TTC27: variants seen among roughly 807,000 people sequenced by gnomAD.
The protein encoded by TTC27 is tetratricopeptide repeat protein 27.
A neutral mutation model predicts 115.9 loss-of-function variants in TTC27; 79 were observed. That is an observed-to-expected ratio of 0.68 (90% CI 0.57 to 0.82). The LOEUF (loss-of-function observed/expected upper bound fraction) is 0.82, where lower values mean the gene tolerates loss of function less well. Ranked by LOEUF, TTC27 falls within the 40% of genes least tolerant of loss-of-function variation. TTC27 has a pLI of 0.00. For missense variants in TTC27, 1,054 were observed against 993.1 expected, an observed-to-expected ratio of 1.06 and a Z score of -0.82; for synonymous variants, 401 against 356.0, an observed-to-expected ratio of 1.13 and a Z score of -1.42.
chr2:32,682,022 G>GTGTA (rs1666448313), intron 9 of TTC27, among the ~76,000 whole-genome samples: 1 of 127,936 alleles, frequency 7.8e-6, no homozygotes, highest in African/African-American at 3.1e-5. Context: ...GTGTGTGTGT[G>GTGTA]TGTGTATGTC....
At chr2:32,724,028 G>T (rs965533576) in intron 10 of TTC27, among the ~76,000 whole-genome samples, 2 of 140,324 alleles carry the variant, frequency 1.4e-5, no homozygotes, top group Non-Finnish European at 3.0e-5. Context: ...CATTCACTCA[G>T]GTTTTAATAA....
intron 16 of TTC27, among the ~76,000 whole-genome samples, chr2:32,789,125 A>G (rs1464174402): frequency 6.6e-6 from 1 of 152,138 alleles, no homozygotes; most frequent in African/African-American, 2.4e-5. Context: ...TAACTATTCA[A>G]AGATTGTTTG....
At position 32,690,909 on chromosome 2, in the gene TTC27, C is replaced by G. The variant is rs536248889; in HGVS notation, c.1120-11898C>G. On this transcript the variant is annotated intron_variant, in intron 9 of 19. Transcript: ENST00000317907. ...TTCTTTGTTCCTTGCTTTGGAAGAT[C>G]AGTGTGACCTGGGTGGGCATCGTTC... Among the ~76,000 whole-genome samples the G allele has an allele frequency of 2.0e-5, 3 of 152,274 alleles. No individual in the cohort carries two copies. In the South Asian group the frequency reaches 6.2e-4, roughly 32 times the overall value.
intron 12 of TTC27, among the ~76,000 whole-genome samples, chr2:32,749,099 C>T (rs1179750578): frequency 1.3e-5 from 2 of 152,158 alleles, no homozygotes; most frequent in African/African-American, 2.4e-5. Context: ...CTGTTGATTG[C>T]CTTTTCCCTG....
chr2:32,702,960 C>G, intron 10 of TTC27, 40 bp downstream of exon 10: 1 of 1,369,322 alleles, frequency 7.3e-7, no homozygotes, highest in East Asian at 2.3e-5. Flanking sequence ...TCTTCCAACT[C>G]TCTATTGCTA....
intron 5 of TTC27, among the ~76,000 whole-genome samples, chr2:32,652,413 AAGGT>A (rs1486101615): frequency 6.6e-6 from 1 of 152,004 alleles, no homozygotes. Context: ...AATAAAATAA[AAGGT>A]AGGAACCATA....
At chr2:32,785,763 T>C (rs567258010) in intron 15 of TTC27, among the ~76,000 whole-genome samples, 3 of 152,244 alleles carry the variant, frequency 2.0e-5, no homozygotes, top group Non-Finnish European at 4.4e-5. Flanking sequence ...GTCCAGCTAA[T>C]TTTTGTATTT....
chr2:32,698,510 C>T (rs1397201375), intron 9 of TTC27, among the ~76,000 whole-genome samples: 1 of 140,614 alleles, frequency 7.1e-6, no homozygotes, highest in South Asian at 2.4e-4. Flanking sequence ...GATGGAGTCT[C>T]GCTCTGTCAC....
chr2:32,811,565 T>C (rs1006640074), intron 17 of TTC27, among the ~76,000 whole-genome samples: 5 of 152,046 alleles, frequency 3.3e-5, no homozygotes, highest in African/African-American at 1.2e-4. Context: ...AAGACTACAG[T>C]AGATGGGTAC....
intron 16 of TTC27, among the ~76,000 whole-genome samples, chr2:32,790,836 A>T (rs1670511561): frequency 6.6e-6 from 1 of 152,062 alleles, no homozygotes; most frequent in African/African-American, 2.4e-5. Flanking sequence ...AATTTATTTC[A>T]TCAGTTCTAA....
At chr2:32,780,108 A>G in intron 14 of TTC27, 1 of 467,224 alleles carries the variant, frequency 2.1e-6, no homozygotes, top group South Asian at 1.6e-5. Flanking sequence ...AGTTTTGAAA[A>G]TGCTGTGAGT....
At chr2:32,674,479 C>T (rs1666124593) in intron 8 of TTC27, among the ~76,000 whole-genome samples, 1 of 152,034 alleles carries the variant, frequency 6.6e-6, no homozygotes, top group South Asian at 2.1e-4. Context: ...TTCAGTAGAA[C>T]TCACCCTTTG....
chr2:32,722,181 T>G (rs17012135), intron 10 of TTC27, among the ~76,000 whole-genome samples: 9,516 of 152,278 alleles, frequency 0.062, 363 homozygotes, highest in East Asian at 0.13. Flanking sequence ...GTGCCTCATG[T>G]ATAGTACAGC....
chr2:32,637,198 G>C (rs1350678798), intron 3 of TTC27, among the ~76,000 whole-genome samples: 2 of 152,080 alleles, frequency 1.3e-5, no homozygotes, highest in African/African-American at 4.8e-5. Flanking sequence ...ATTTTTATTT[G>C]TTGCTATGTT....
Position 32,769,273 on chromosome 2 carries a change from CAA to C in TTC27, c.1681-8608_1681-8607del, listed in dbSNP as rs755478915. 1.5e-4 allele frequency among the ~76,000 whole-genome samples: 23 copies of C among 152,258 alleles called. No homozygotes were observed. In the East Asian group the frequency reaches 1.9e-3, roughly 13 times the overall value. On this transcript the variant is annotated intron_variant, in intron 13 of 19. Transcript: ENST00000317907. The stretch of plus-strand genomic sequence containing the variant: ...AGCAAGGGGTTCATGGCACCTAAAA[CAA>C]GAGCAAATGTCAGCGAGTTATGTCA...
chr2:32,679,237 G>A (rs930175782), intron 9 of TTC27, among the ~76,000 whole-genome samples: 2 of 152,202 alleles, frequency 1.3e-5, no homozygotes, highest in African/African-American at 2.4e-5. Flanking sequence ...AGAGCAGTCC[G>A]GAGATAAATG....
intron 13 of TTC27, among the ~76,000 whole-genome samples, chr2:32,767,066 G>A (rs143453862): frequency 2.0e-5 from 3 of 152,236 alleles, no homozygotes; most frequent in Non-Finnish European, 2.9e-5. Flanking sequence ...GATTATAGGC[G>A]TCAGCCACCA....
At chr2:32,806,317 C>G (rs1401063952) in intron 16 of TTC27, among the ~76,000 whole-genome samples, 1 of 152,032 alleles carries the variant, frequency 6.6e-6, no homozygotes, top group East Asian at 1.9e-4. Flanking sequence ...ATGGGTGATT[C>G]ATTTAATCAA....
At chr2:32,677,246 T>C (rs181214192) in intron 8 of TTC27, among the ~76,000 whole-genome samples, 4 of 152,318 alleles carry the variant, frequency 2.6e-5, no homozygotes, top group South Asian at 2.1e-4. Context: ...TATAGCATTC[T>C]GTTGGATGAA....
Sources: gnomAD v4.1 joint callset for allele counts (sites outside exome capture counted in the v4.1 genomes callset) on GRCh38, gnomAD v4.1.1 for gene constraint, MANE v1.5 for transcripts, NCBI Gene and HGNC (gene_info 2026-07-23, HGNC 2026-07-21) for gene names.